The following KALRN variants were observed in gnomAD, a reference collection of about 807,000 sequenced individuals.
KALRN encodes kalirin RhoGEF kinase.
A neutral mutation model predicts 353.7 loss-of-function variants in KALRN; 70 were observed. The observed-to-expected ratio is 0.20, with a 90% confidence interval of 0.16 to 0.24. The LOEUF (loss-of-function observed/expected upper bound fraction) is 0.24. KALRN is among the 10% of genes least tolerant of loss of function. The probability of loss-of-function intolerance (pLI) is 1.00; values close to 1 mark genes in which losing one functional copy is unlikely to be tolerated. For missense variants in KALRN, 2,791 were observed against 3,756.7 expected (o/e 0.74, Z 6.72); for synonymous variants, 1,391 against 1,434.8 (o/e 0.97, Z 0.69).
chr3:124,637,519 T>C (rs2081494372), intron 37 of KALRN, among the ~76,000 whole-genome samples: 1 of 152,218 alleles, frequency 6.6e-6, no homozygotes, highest in Non-Finnish European at 1.5e-5. Context: ...GGCTGCAGTG[T>C]TGATGAAAGT....
chr3:124,687,862 A>C (rs1165198019), intron 51 of KALRN, among the ~76,000 whole-genome samples: 1 of 149,232 alleles, frequency 6.7e-6, no homozygotes, highest in African/African-American at 2.4e-5. Context: ...GGGTAAAAGA[A>C]AAAAATCATA....
rs78503194 is a variant in KALRN, at chr3:124,129,687, G to A, written c.73+95874G>A. Among the ~76,000 whole-genome samples, 151 of 152,284 alleles carry A rather than the reference G, an allele frequency of 9.9e-4. No homozygotes were observed. In the South Asian group the frequency reaches 0.016, roughly 16 times the overall value. On this transcript the variant is annotated intron_variant, in intron 1 of 59. Transcript: ENST00000682506. ...GAAGACCAGAGGTTGTAATAATCAC[G>A]TCGCCTTCAATCACCCATTCACTCT... is the stretch of plus-strand genomic sequence containing the variant.
At chr3:124,187,780 A>G (rs972941679) in intron 1 of KALRN, among the ~76,000 whole-genome samples, 1 of 152,202 alleles carries the variant, frequency 6.6e-6, no homozygotes, top group Admixed American at 6.5e-5. Flanking sequence ...GTAAGTGATT[A>G]TTAGAGAGTT....
chr3:124,303,555 G>A lies in KALRN; in HGVS notation c.1092+4642G>A, dbSNP rs2077433034. Among the ~76,000 whole-genome samples, 3 of 152,304 alleles carry A rather than the reference G, an allele frequency of 2.0e-5. No homozygotes were observed. In the South Asian group the frequency reaches 6.2e-4, roughly 32 times the overall value. On this transcript the variant is annotated intron_variant, in intron 6 of 59. Transcript: ENST00000682506. ...CAGTCATCTAACCATCTATGTTCTG[G>A]TTCTTCATGCGACTCGCAGGAGTAC... is the stretch of plus-strand genomic sequence containing the variant.
At chr3:124,092,474 A>T (rs1170589618) in intron 1 of KALRN, among the ~76,000 whole-genome samples, 1 of 152,246 alleles carries the variant, frequency 6.6e-6, no homozygotes, top group East Asian at 1.9e-4. Context: ...AAAGAAAAAG[A>T]TGAAAAGCCC....
At position 124,490,698 on chromosome 3, in the gene KALRN, C is replaced by T. The variant is rs370433783; in HGVS notation, c.4401C>T (p.Phe1467=). 8 of 1,611,720 alleles carry T rather than the reference C, an allele frequency of 5.0e-6. No homozygotes were observed. Among genetic ancestry groups the T allele is most frequent in the African/African-American group, 4.0e-5 (3 of 74,790 alleles). The change falls in exon 30 of 60, where the codon TTC becomes TTT. Residue 1467 remains phenylalanine, a synonymous_variant. Transcript: ENST00000682506. ...DAMHVSMLEG[F]DENLDVQGEL... The stretch of plus-strand genomic sequence containing the variant: ...GTGGAAATGGATGTTTTTCAGGGTT[C>T]GACGAGAACCTGGATGTGCAGGGGG...
Position 124,637,196 on chromosome 3 carries a change from G to A in KALRN, c.5569-12G>A, listed in dbSNP as rs1284053712. The A allele has an allele frequency of 5.0e-6, 8 of 1,604,180 alleles. No homozygotes were observed. Among genetic ancestry groups the A allele is most frequent in the Non-Finnish European group, 6.8e-6 (8 of 1,171,150 alleles). ...CTAATCTGCTTTTCCTCTGCTGCCC[G>A]ATGTCTTGCAGTCCTCCTCTTTGCT... is the stretch of plus-strand genomic sequence containing the variant. On this transcript the variant is annotated splice_polypyrimidine_tract_variant and intron_variant, in intron 36 of 59. Transcript: ENST00000682506.
At chr3:124,198,138 A>G (rs144136923) in intron 1 of KALRN, among the ~76,000 whole-genome samples, 6 of 152,356 alleles carry the variant, frequency 3.9e-5, no homozygotes, top group Non-Finnish European at 7.3e-5. Flanking sequence ...TAAATGGGGA[A>G]AGAAGGGTAG....
chr3:124,235,824 G>A (rs959897679), intron 3 of KALRN, among the ~76,000 whole-genome samples: 20 of 152,212 alleles, frequency 1.3e-4, no homozygotes, highest in African/African-American at 3.6e-4. Flanking sequence ...CAAAACCTTC[G>A]TCTTGTCTCT....
At chr3:124,118,841 G>T (rs1198280686) in intron 1 of KALRN, among the ~76,000 whole-genome samples, 1 of 152,188 alleles carries the variant, frequency 6.6e-6, no homozygotes, top group Non-Finnish European at 1.5e-5. Flanking sequence ...TATAAAGCAT[G>T]TCCACCATCT....
At chr3:124,155,703 T>C (rs2068881088) in intron 1 of KALRN, among the ~76,000 whole-genome samples, 1 of 152,198 alleles carries the variant, frequency 6.6e-6, no homozygotes. Flanking sequence ...CAGGTTAAAT[T>C]CAGTTTTTCA....
intron 6 of KALRN, among the ~76,000 whole-genome samples, chr3:124,315,759 C>G (rs1039934479): frequency 1.3e-5 from 2 of 152,184 alleles, no homozygotes; most frequent in African/African-American, 4.8e-5. Context: ...TCAGCCAAAG[C>G]TGACTTATGC....
chr3:124,158,677 C>T lies in KALRN; in HGVS notation c.74-69313C>T, dbSNP rs185939026. 1.4e-4 allele frequency among the ~76,000 whole-genome samples: 21 copies of T among 152,296 alleles called. No homozygotes were observed. In the East Asian group the frequency reaches 4.1e-3, roughly 29 times the overall value. ...GGCTGGAGGCCAGCCAGGGTACCCT[C>T]CTCCCCCCACCACCCGCCAAGCCAT... On this transcript the variant is annotated intron_variant, in intron 1 of 59. Coordinates refer to ENST00000682506, the MANE Select transcript of KALRN (RefSeq NM_001388419.1).
At chr3:124,173,604 G>A (rs781574862) in intron 1 of KALRN, among the ~76,000 whole-genome samples, 1 of 152,046 alleles carries the variant, frequency 6.6e-6, no homozygotes, top group Non-Finnish European at 1.5e-5. Flanking sequence ...AGGGACCAAG[G>A]TTTCCTGTGC....
intron 57 of KALRN, among the ~76,000 whole-genome samples, chr3:124,711,893 C>A (rs1304626762): frequency 6.6e-6 from 1 of 152,124 alleles, no homozygotes; most frequent in Non-Finnish European, 1.5e-5. Flanking sequence ...TTGCTATTTT[C>A]TTTACTTTTG....
At chr3:124,559,274 G>A (rs528989201) in intron 33 of KALRN, among the ~76,000 whole-genome samples, 2 of 152,296 alleles carry the variant, frequency 1.3e-5, no homozygotes, top group East Asian at 3.9e-4. Context: ...GTCAGCAGGG[G>A]AACAGGCCCC....
chr3:124,244,612 T>A (rs1056219548), intron 3 of KALRN, among the ~76,000 whole-genome samples: 4 of 152,232 alleles, frequency 2.6e-5, no homozygotes, highest in Non-Finnish European at 5.9e-5. Context: ...GTTAGCATTA[T>A]ACTATAGGAA....
At chr3:124,573,823 T>C (rs1313789296) in intron 34 of KALRN, among the ~76,000 whole-genome samples, 2 of 152,240 alleles carry the variant, frequency 1.3e-5, no homozygotes, top group Admixed American at 6.5e-5. Flanking sequence ...AATCCTCTCA[T>C]AACTTTCTTT....
intron 10 of KALRN, among the ~76,000 whole-genome samples, chr3:124,367,086 T>A (rs1216914653): frequency 1.4e-5 from 1 of 71,122 alleles, no homozygotes; most frequent in East Asian, 5.8e-4. Context: ...CCCTCCCGGA[T>A]GGGGTGGCTG....
Sources: gnomAD v4.1 joint callset for allele counts (sites outside exome capture counted in the v4.1 genomes callset) on GRCh38, gnomAD v4.1.1 for gene constraint, MANE v1.5 for transcripts, NCBI Gene and HGNC (gene_info 2026-07-23, HGNC 2026-07-21) for gene names.